ZFHX3: variants seen among roughly 807,000 people sequenced by gnomAD.
ZFHX3 encodes the protein zinc finger homeobox 3.
Under a neutral mutation model 279.1 loss-of-function variants are expected in ZFHX3, and 42 were observed. That is an observed-to-expected ratio of 0.15 (90% CI 0.12 to 0.19). The LOEUF is 0.19. Ranked by LOEUF, ZFHX3 falls within the 10% of genes least tolerant of loss-of-function variation. The pLI is 1.00. For missense variants in ZFHX3, 4,981 were observed against 4,754.0 expected (o/e 1.05, Z -1.40); for synonymous variants, 2,293 against 1,957.8 (o/e 1.17, Z -4.52).
chr16:72,881,337 C>T (rs7404577), intron 4 of ZFHX3, among the ~76,000 whole-genome samples: 79,317 of 151,892 alleles, frequency 0.52, 20,941 homozygotes, highest in Non-Finnish European at 0.55. Context: ...GAGGTATGGG[C>T]AGCACTTAGA....
At chr16:73,080,998 C>T (rs1056368164) in intron 8 of ZFHX3, among the ~76,000 whole-genome samples, 2 of 152,196 alleles carry the variant, frequency 1.3e-5, no homozygotes, top group Admixed American at 6.5e-5. Flanking sequence ...TTTTCAGGTC[C>T]AAGGTCAAGA....
At chr16:72,862,497 T>A (rs1451154962) in intron 4 of ZFHX3, among the ~76,000 whole-genome samples, 1 of 152,160 alleles carries the variant, frequency 6.6e-6, no homozygotes, top group African/African-American at 2.4e-5. Context: ...GAAGAAATAA[T>A]AGAATGAGAA....
intron 2 of ZFHX3, among the ~76,000 whole-genome samples, chr16:73,587,510 T>G (rs1009010040): frequency 1.3e-5 from 2 of 152,200 alleles, no homozygotes; most frequent in African/African-American, 4.8e-5. Flanking sequence ...GCAACCCGCG[T>G]TGGCTGTTAC....
chr16:73,351,074 C>T (rs887902914), intron 3 of ZFHX3, among the ~76,000 whole-genome samples: 7 of 152,108 alleles, frequency 4.6e-5, no homozygotes, highest in African/African-American at 9.7e-5. Flanking sequence ...TCCAAGAATA[C>T]GTAAGGATGG....
chr16:72,931,229 G>A (rs766578767), intron 3 of ZFHX3, among the ~76,000 whole-genome samples: 2 of 152,148 alleles, frequency 1.3e-5, no homozygotes, highest in African/African-American at 4.8e-5. Flanking sequence ...CATCAGGCAG[G>A]TCATGAGCTT....
chr16:73,012,536 G>A (rs947975051), intron 1 of ZFHX3, among the ~76,000 whole-genome samples: 2 of 152,128 alleles, frequency 1.3e-5, no homozygotes, highest in Admixed American at 6.5e-5. Flanking sequence ...GCCCACGGCC[G>A]GTGCCCAACG....
upstream of ZFHX3, chr16:73,060,118 A>G (rs1965661796): frequency 6.6e-6 from 1 of 152,096 alleles, no homozygotes; most frequent in Non-Finnish European, 1.5e-5. Flanking sequence ...AGGCAGTGAA[A>G]AATAATTTCA....
intron 1 of ZFHX3, chr16:73,015,040 C>CTTTTTTTTTTTTTTTTTTTTTTTTTT (rs67778248): frequency 2.1e-5 from 2 of 95,096 alleles, no homozygotes; most frequent in African/African-American, 4.0e-5. Flanking sequence ...AGAGCTGTGT[C>CTTTTTTTTTTTTTTTTTTTTTTTTTT]TTTTTTTTTT....
intron 7 of ZFHX3, among the ~76,000 whole-genome samples, chr16:73,126,317 G>A (rs781660327): frequency 7.9e-5 from 12 of 152,190 alleles, no homozygotes; most frequent in African/African-American, 2.9e-4. Flanking sequence ...GGATACTGCA[G>A]AGGTCCAAGC....
chr16:73,350,025 C>A (rs2016209283), intron 3 of ZFHX3, among the ~76,000 whole-genome samples: 2 of 151,346 alleles, frequency 1.3e-5, no homozygotes, highest in African/African-American at 4.9e-5. Flanking sequence ...AAAGAACTGG[C>A]AAGGCAGAAG....
chr16:73,350,428 T>A (rs539203095), intron 3 of ZFHX3, among the ~76,000 whole-genome samples: 1 of 152,270 alleles, frequency 6.6e-6, no homozygotes, highest in African/African-American at 2.4e-5. Flanking sequence ...TGTGGAGTGG[T>A]TCATTTTATG....
chr16:72,834,747 C>T lies in ZFHX3; in HGVS notation c.3449-4888G>A, dbSNP rs568639481. On this transcript the variant is annotated intron_variant, in intron 4 of 9. Transcript: ENST00000268489. ...ACCACAAAGCCAGCATTCAACCCCG[C>T]AACCTCACTGTATGCACTCCCCAAA... 2.6e-5 allele frequency among the ~76,000 whole-genome samples: 4 copies of T among 152,078 alleles called. No individual in the cohort carries two copies. The South Asian group carries it at 6.3e-4, about 24-fold the overall frequency.
intron 3 of ZFHX3, among the ~76,000 whole-genome samples, chr16:73,413,347 C>T (rs1293839055): frequency 1.3e-5 from 2 of 152,030 alleles, no homozygotes; most frequent in Non-Finnish European, 2.9e-5. Flanking sequence ...TGAAATGTGA[C>T]CTGTACATAA....
At chr16:73,620,934 T>G (rs1024247757) in intron 2 of ZFHX3, among the ~76,000 whole-genome samples, 1 of 152,216 alleles carries the variant, frequency 6.6e-6, no homozygotes, top group East Asian at 1.9e-4. Context: ...TTGGTGGGAA[T>G]CCCAGCCAGA....
In ZFHX3 at chr16:72,794,065, C is replaced by G. The variant is rs768307205; in HGVS notation, c.8617G>C (p.Glu2873Gln). The part of the protein sequence containing the change: ...TETKSSSAPN[E>Q]GLTKAAMMAM... ...ATCATGGCCGCTTTGGTCAACCCTTCGTTGGGTGCAGAAGAGGATTTGGTT... is the reference window on the plus strand; with the variant it reads ...ATCATGGCCGCTTTGGTCAACCCTTGGTTGGGTGCAGAAGAGGATTTGGTT... The change falls in exon 9 of 10, where the codon GAA (glutamate) becomes CAA (glutamine). Residue 2873 changes from glutamate (E) to glutamine (Q), a missense_variant. Physicochemically the swap from Glu to Gln is conservative, Grantham distance 29. Transcript: ENST00000268489. This position sits in a 1 kb window ranked among gnomAD's most constrained non-coding sequence, Gnocchi z 4.2. 1.2e-6 allele frequency: 2 copies of G among 1,614,204 alleles called. No homozygotes were observed. The highest frequency in any genetic ancestry group is 1.7e-6 in the Non-Finnish European group (2 of 1,180,030).
intron 5 of ZFHX3, among the ~76,000 whole-genome samples, chr16:72,819,879 G>T (rs1036171949): frequency 3.3e-5 from 5 of 152,248 alleles, no homozygotes; most frequent in Non-Finnish European, 7.3e-5. Flanking sequence ...AATAAGGACA[G>T]ACTTCCTTGT....
chr16:73,172,296 C>G (rs1328972882), intron 5 of ZFHX3, among the ~76,000 whole-genome samples: 1 of 152,220 alleles, frequency 6.6e-6, no homozygotes, highest in Non-Finnish European at 1.5e-5. Context: ...AACTGACCAG[C>G]TCCGACGCCC....
At chr16:73,501,576 A>G (rs914169287) in intron 2 of ZFHX3, among the ~76,000 whole-genome samples, 5 of 152,190 alleles carry the variant, frequency 3.3e-5, no homozygotes, top group Non-Finnish European at 7.3e-5. Flanking sequence ...TGACAATCAG[A>G]TCAGGCATCT....
At chr16:73,528,088 T>G (rs2019725690) in intron 2 of ZFHX3, among the ~76,000 whole-genome samples, 1 of 152,216 alleles carries the variant, frequency 6.6e-6, no homozygotes, top group African/African-American at 2.4e-5. Context: ...CATTTTAGTA[T>G]CCTTTTCTCT....
Sources: gnomAD v4.1 joint callset for allele counts (sites outside exome capture counted in the v4.1 genomes callset) on GRCh38, gnomAD v4.1.1 for gene constraint, Gnocchi (gnomAD v3.1) non-coding constraint, MANE v1.5 for transcripts, NCBI Gene and HGNC (gene_info 2026-07-23, HGNC 2026-07-21) for gene names.